The following SBF2 variants were observed in gnomAD, a reference collection of about 807,000 sequenced individuals.
SBF2 encodes SET binding factor 2.
Under a neutral mutation model 225.2 loss-of-function variants are expected in SBF2, and 112 were observed. The observed-to-expected ratio is 0.50, with a 90% CI of 0.43 to 0.58. The LOEUF is 0.58. Ranked by LOEUF, SBF2 falls within the 20% of genes least tolerant of loss-of-function variation. The probability of loss-of-function intolerance (pLI) is 0.00; values close to 1 mark genes in which losing one functional copy is unlikely to be tolerated. For missense variants in SBF2, 1,996 were observed against 2,206.2 expected (o/e 0.90, Z 1.91); for synonymous variants, 763 against 773.3 (o/e 0.99, Z 0.22).
chr11:9,882,969 T>A (rs1859949175), intron 17 of SBF2, among the ~76,000 whole-genome samples: 3 of 152,128 alleles, frequency 2.0e-5, no homozygotes, highest in African/African-American at 7.2e-5. Context: ...CTGGGCAACA[T>A]GGTAAAATAC....
At chr11:10,028,088 T>G (rs1344617020) in intron 6 of SBF2, among the ~76,000 whole-genome samples, 1 of 152,036 alleles carries the variant, frequency 6.6e-6, no homozygotes, top group Non-Finnish European at 1.5e-5. Flanking sequence ...GTTTTAAAAT[T>G]TTTTCTGTAG....
chr11:10,073,533 C>T (rs1289997204), intron 2 of SBF2, among the ~76,000 whole-genome samples: 4 of 151,908 alleles, frequency 2.6e-5, no homozygotes, highest in South Asian at 2.1e-4. Context: ...GCCTACATGG[C>T]GAAACACTGT....
At chr11:9,959,842 G>A (rs550069746) in intron 16 of SBF2, 2 of 549,500 alleles carry the variant, frequency 3.6e-6, no homozygotes, top group East Asian at 4.6e-5. Flanking sequence ...GGCTGCGAGA[G>A]TGAGGAGAGG....
At chr11:10,115,983 G>C (rs935979468) in intron 2 of SBF2, among the ~76,000 whole-genome samples, 18 of 152,012 alleles carry the variant, frequency 1.2e-4, no homozygotes, top group Non-Finnish European at 2.4e-4. Context: ...TGGCTAACAC[G>C]GTGAAACCCC....
intron 29 of SBF2, among the ~76,000 whole-genome samples, chr11:9,812,937 G>C (rs771188504): frequency 3.3e-5 from 5 of 152,214 alleles, no homozygotes; most frequent in African/African-American, 4.8e-5. Context: ...GTCCTTACTA[G>C]AGGTAGATTA....
chr11:10,020,978 T>A (rs1948834574), intron 6 of SBF2, among the ~76,000 whole-genome samples: 1 of 151,632 alleles, frequency 6.6e-6, no homozygotes, highest in African/African-American at 2.4e-5. Context: ...CATCAATAGC[T>A]AATAAAAAAC....
chr11:10,135,674 T>C (rs995125405), intron 2 of SBF2, among the ~76,000 whole-genome samples: 1 of 152,184 alleles, frequency 6.6e-6, no homozygotes, highest in African/African-American at 2.4e-5. Context: ...TAAGAGTCAC[T>C]TTTGCTCCAG....
chr11:10,175,449 CAAG>C (rs1239089887), intron 2 of SBF2, among the ~76,000 whole-genome samples: 112 of 150,884 alleles, frequency 7.4e-4, no homozygotes, highest in Non-Finnish European at 1.5e-3. Context: ...ATCAATTCAA[CAAG>C]AAGAGCTAAC....
At chr11:10,113,797 TTAA>T (rs1204135435) in intron 2 of SBF2, among the ~76,000 whole-genome samples, 1 of 140,240 alleles carries the variant, frequency 7.1e-6, no homozygotes, top group Admixed American at 7.7e-5. Flanking sequence ...TACATGCAGT[TTAA>T]AAAAAAAAAA....
At chr11:10,204,683 T>C (rs920625283) in intron 1 of SBF2, among the ~76,000 whole-genome samples, 2 of 150,366 alleles carry the variant, frequency 1.3e-5, no homozygotes, top group Admixed American at 6.6e-5. Flanking sequence ...AATGGAGTAC[T>C]GATACATGCT....
At chr11:9,825,916 T>C (rs1375591519) in intron 28 of SBF2, among the ~76,000 whole-genome samples, 2 of 152,340 alleles carry the variant, frequency 1.3e-5, no homozygotes, top group South Asian at 4.1e-4. Context: ...CAGACTGATC[T>C]TTTTCTTCAG....
chr11:9,896,788 C>CAA (rs34465991), intron 16 of SBF2, among the ~76,000 whole-genome samples: 5 of 95,176 alleles, frequency 5.3e-5, no homozygotes, highest in South Asian at 3.4e-4. Flanking sequence ...GACTCCGTCT[C>CAA]AAAAAAAAAA....
At chr11:10,236,058 G>A (rs370114656) in intron 1 of SBF2, among the ~76,000 whole-genome samples, 20 of 152,170 alleles carry the variant, frequency 1.3e-4, no homozygotes, top group East Asian at 7.7e-4. Flanking sequence ...GCAACAGAGC[G>A]AGATCTTGTC....
chr11:9,791,592 C>T (rs1852746380), intron 33 of SBF2, among the ~76,000 whole-genome samples: 1 of 152,154 alleles, frequency 6.6e-6, no homozygotes, highest in South Asian at 2.1e-4. Flanking sequence ...TAAAAAAATC[C>T]CAGTGTCCAG....
chr11:10,137,977 GAGACAGAGTA>G (rs1954462935), intron 2 of SBF2, among the ~76,000 whole-genome samples: 1 of 151,940 alleles, frequency 6.6e-6, no homozygotes, highest in South Asian at 2.1e-4. Flanking sequence ...TCCAGCCTGG[GAGACAGAGTA>G]AGACTCCATC....
At chr11:9,811,024 C>T (rs1854149369) in intron 30 of SBF2, 1 of 152,174 alleles carries the variant, frequency 6.6e-6, no homozygotes, top group Non-Finnish European at 1.5e-5. Flanking sequence ...TGGAATACTA[C>T]ACAGCCATAA....
chr11:10,145,803 A>G (rs1025704298), intron 2 of SBF2, among the ~76,000 whole-genome samples: 2 of 152,182 alleles, frequency 1.3e-5, no homozygotes, highest in East Asian at 3.8e-4. Flanking sequence ...TGCAGATGAC[A>G]TGATTCTACA....
At chr11:9,832,052 C>T (rs1338174186) in intron 27 of SBF2, among the ~76,000 whole-genome samples, 172 bp downstream of exon 27, 1 of 152,196 alleles carries the variant, frequency 6.6e-6, no homozygotes, top group Non-Finnish European at 1.5e-5. Flanking sequence ...GAGCCTCACA[C>T]TATCAAGTAT....
chr11:9,993,610 A>C (rs1381437232), intron 10 of SBF2, among the ~76,000 whole-genome samples: 2 of 152,186 alleles, frequency 1.3e-5, no homozygotes, highest in Admixed American at 1.3e-4. Flanking sequence ...TTGTGTGGCC[A>C]TTTCAATTTG....
Sources: gnomAD v4.1 joint callset for allele counts (sites outside exome capture counted in the v4.1 genomes callset) on GRCh38, gnomAD v4.1.1 for gene constraint, MANE v1.5 for transcripts, NCBI Gene and HGNC (gene_info 2026-07-23, HGNC 2026-07-21) for gene names.